The following MORC2 variants were observed in gnomAD, a reference collection of about 807,000 sequenced individuals.
The protein encoded by MORC2 is ATPase MORC2.
Under a neutral mutation model 136.0 loss-of-function variants are expected in MORC2, and 30 were observed. The ratio of observed to expected loss-of-function variants is 0.22; its 90% CI spans 0.17 to 0.30. The LOEUF is 0.30. Ranked by LOEUF, MORC2 falls within the 10% of genes least tolerant of loss-of-function variation. MORC2 has a pLI of 1.00. For synonymous variants in MORC2, 439 were observed against 487.0 expected (o/e 0.90, Z 1.30); for missense variants, 922 against 1,333.1 (o/e 0.69, Z 4.80).
At position 30,934,855 on chromosome 22, in the gene MORC2, G is replaced by A. The variant is rs779144529; in HGVS notation, c.2119C>T (p.Arg707Trp). Reference sequence around the variant, plus strand: ...ATGACTTTGGGAGAAGGAACCTCCCGAGGGCTCTTGGAGTTGGGCAGTAAA... The same window carrying A: ...ATGACTTTGGGAGAAGGAACCTCCCAAGGGCTCTTGGAGTTGGGCAGTAAA... ...PSLLPNSKSP[R>W]EVPSPKVIKT... is the part of the protein sequence containing the mutation. Residue 707 changes from arginine (R) to tryptophan (W), a missense_variant, in exon 19 of 26, where the codon CGG becomes TGG. Around this residue, in one of 9 missense-constraint regions of MORC2, gnomAD observed 184 missense variants for 180.3 expected, o/e 1.02. Coordinates refer to ENST00000397641, the MANE Select transcript of MORC2 (RefSeq NM_001303256.3). This position sits in a 1 kb window ranked among gnomAD's most constrained non-coding sequence, Gnocchi z 4.4. 1 of 1,614,144 alleles carries A rather than the reference G, an allele frequency of 6.2e-7. No homozygotes were observed. The highest frequency in any genetic ancestry group is 8.5e-7 in the Non-Finnish European group (1 of 1,180,018).
At chr22:30,946,075 CT>C (rs2040811292) in intron 6 of MORC2, among the ~76,000 whole-genome samples, 1 of 152,182 alleles carries the variant, frequency 6.6e-6, no homozygotes, top group South Asian at 2.1e-4. Flanking sequence ...GCAAATCCAA[CT>C]CTTAATTCCT....
At chr22:30,964,534 A>AG (rs1470318354) in intron 1 of MORC2, among the ~76,000 whole-genome samples, 1 of 152,232 alleles carries the variant, frequency 6.6e-6, no homozygotes, top group Non-Finnish European at 1.5e-5. Flanking sequence ...TTTATGCCAA[A>AG]GGAACATCAC....
intron 1 of MORC2, chr22:30,963,177 C>T (rs2041075737): frequency 6.9e-6 from 2 of 291,186 alleles, no homozygotes; most frequent in Non-Finnish European, 1.0e-5. Flanking sequence ...GGGGTTTCAC[C>T]ATGTTAACCA....
At chr22:30,943,006 A>C (rs750206666) in intron 6 of MORC2, among the ~76,000 whole-genome samples, 7 of 152,180 alleles carry the variant, frequency 4.6e-5, no homozygotes, top group Non-Finnish European at 1.0e-4. Context: ...CTCCATCTCA[A>C]AAATAAATAA....
chr22:30,952,862 GGAA>G (rs2040911232), intron 3 of MORC2, among the ~76,000 whole-genome samples: 1 of 152,232 alleles, frequency 6.6e-6, no homozygotes, highest in Non-Finnish European at 1.5e-5. Flanking sequence ...AGATAAGCTA[GGAA>G]GTAAAGGACA....
chr22:30,967,217 A>G (rs2041141126), intron 1 of MORC2: 1 of 986,100 alleles, frequency 1.0e-6, no homozygotes, highest in South Asian at 4.7e-5. Flanking sequence ...CTCAAGAACC[A>G]TGAACACTGT....
Position 30,938,222 on chromosome 22 carries a change from A to T in MORC2, c.1074-17T>A, listed in dbSNP as rs767298317. 8.6e-6 allele frequency: 12 copies of T among 1,391,642 alleles called. No individual in the cohort carries two copies. The African/African-American group carries it at 2.1e-4, about 24-fold the overall frequency. The allele number at this position is 1,391,642 out of a possible 1,614,324, so 86.2% of individuals were successfully genotyped here. ...TTAAGTGCTCTAAGAAGACAAAAAA[A>T]CTCAAGCAGATCTACACATCGGCAC... On this transcript the variant is annotated splice_polypyrimidine_tract_variant and intron_variant, in intron 12 of 25. Transcript: ENST00000397641.
intron 7 of MORC2, 50 bp downstream of exon 7, chr22:30,942,062 G>A (rs747335534): frequency 6.2e-7 from 1 of 1,610,056 alleles, no homozygotes; most frequent in Non-Finnish European, 8.5e-7. Context: ...CACTACTTGT[G>A]ATTCTGGAGC....
rs1240259176 is a variant in MORC2, at chr22:30,937,815, C to T, written c.1369G>A (p.Ala457Thr). The T allele has an allele frequency of 2.5e-6, 4 of 1,614,150 alleles. No homozygotes were observed. The highest frequency in any genetic ancestry group is 2.2e-5 in the East Asian group (1 of 44,874). The part of the protein sequence containing the change: ...LAQYWKDIAI[A>T]QRGIIKFWDE... ...AGGCCCAGCAGCCCAGCCCCATTACCGATGGCAATATCCTTCCAATACTGC... is the reference window on the plus strand; with the variant it reads ...AGGCCCAGCAGCCCAGCCCCATTACTGATGGCAATATCCTTCCAATACTGC... Residue 457 changes from alanine to threonine, a missense_variant and splice_region_variant, in exon 14 of 26, where the codon GCC becomes ACC. This residue lies in a region of MORC2 where 119 missense variants were observed against 202.7 expected (regional missense o/e 0.59). Transcript: ENST00000397641. This position sits in a 1 kb window ranked among gnomAD's most constrained non-coding sequence, Gnocchi z 4.7.
intron 1 of MORC2, 38 bp from the exon 2 acceptor site, chr22:30,958,732 T>C (rs982779363): frequency 1.1e-5 from 17 of 1,481,916 alleles, no homozygotes; most frequent in African/African-American, 2.8e-5. Context: ...AAAAGAATTA[T>C]TGAAGTTATA....
At chr22:30,967,024 T>C in intron 1 of MORC2, 5 of 902,468 alleles carry the variant, frequency 5.5e-6, no homozygotes, top group Non-Finnish European at 6.6e-6. Context: ...TTCATGTAGC[T>C]GCTCATCTCC....
chr22:30,957,299 C>T (rs889877823), intron 2 of MORC2, among the ~76,000 whole-genome samples: 93 of 152,188 alleles, frequency 6.1e-4, no homozygotes, highest in African/African-American at 2.1e-3. Flanking sequence ...GATTCCTGAG[C>T]CCATAATCTT....
At chr22:30,926,899 T>C in intron 25 of MORC2, 28 bp from the exon 26 acceptor site, 3 of 1,600,294 alleles carry the variant, frequency 1.9e-6, no homozygotes, top group Non-Finnish European at 8.6e-7. Flanking sequence ...AGGGATCAAC[T>C]GGGGGCCAGA....
intron 6 of MORC2, among the ~76,000 whole-genome samples, chr22:30,946,046 T>C (rs1209159761): frequency 2.6e-5 from 4 of 152,190 alleles, no homozygotes; most frequent in Non-Finnish European, 4.4e-5. Flanking sequence ...GGAATTCAAG[T>C]GGCAGATCTA....
At chr22:30,949,689 G>C in intron 5 of MORC2, 63 bp downstream of exon 5, 1 of 1,329,644 alleles carries the variant, frequency 7.5e-7, no homozygotes, top group Non-Finnish European at 1.1e-6. Flanking sequence ...TTTCATCCAA[G>C]AGAAGCAGGA....
At position 30,935,047 on chromosome 22, in the gene MORC2, T is replaced by C. The variant is rs1463865042; in HGVS notation, c.1927A>G (p.Lys643Glu). 6.2e-7 allele frequency: 1 copy of C among 1,613,748 alleles called. No homozygotes were observed. Among genetic ancestry groups the C allele is most frequent in the Non-Finnish European group, 8.5e-7 (1 of 1,179,942 alleles). ...PTPRPASQPR[K>E]APVISSTPKL... ...GGGGTACTGCTGATGACAGGAGCCT[T>C]TCGGGGCTGGCTGGCTGGTCTAGGA... is the stretch of plus-strand genomic sequence containing the variant. The change falls in exon 19 of 26, where the codon AAG (lysine) becomes GAG (glutamate). Residue 643 changes from lysine to glutamate, a missense_variant. By Grantham distance (56) the Lys-to-Glu change is moderately conservative. This residue lies in a region of MORC2 where 184 missense variants were observed against 180.3 expected (regional missense o/e 1.02). Transcript: ENST00000397641.
rs1266351335 is a variant in MORC2, at chr22:30,937,559, G to A, written c.1498+24C>T. 1 of 1,610,060 alleles carries A rather than the reference G, an allele frequency of 6.2e-7. No homozygotes were observed. The highest frequency in any genetic ancestry group is 1.1e-5 in the South Asian group (1 of 90,688). ...CTTGTGGGCTGATGGAAATGAGTCG[G>A]GGGGGTCCAACCACCCAACTCACCG... is the stretch of plus-strand genomic sequence containing the variant. On this transcript the variant is annotated intron_variant, in intron 15 of 25. Transcript: ENST00000397641. This position sits in a 1 kb window ranked among gnomAD's most constrained non-coding sequence, Gnocchi z 4.7.
rs1228858484 is a variant in MORC2 at position 30,936,600 on chromosome 22, A to G, written c.1648T>C (p.Phe550Leu). Residue 550 changes from phenylalanine to leucine, a missense_variant, in exon 17 of 26, where the codon TTC (phenylalanine) becomes CTC (leucine). Coordinates refer to ENST00000397641, the MANE Select transcript of MORC2 (RefSeq NM_001303256.3). ...EQKQKVPLGT[F>L]RKDMKTQEEK... ...TCCTGCGTCTTCATGTCCTTTCTGA[A>G]TGTTCCCAGGGGAACCTTCTGCTTT... The G allele has an allele frequency of 6.2e-7, 1 of 1,614,148 alleles. No individual in the cohort carries two copies. Among genetic ancestry groups the G allele is most frequent in the South Asian group, 1.1e-5 (1 of 91,084 alleles).
chr22:30,954,994 T>C (rs1214550411), intron 3 of MORC2, among the ~76,000 whole-genome samples: 1 of 149,652 alleles, frequency 6.7e-6, no homozygotes, highest in Non-Finnish European at 1.5e-5. Flanking sequence ...GCTTCGCTCT[T>C]GTTGCCCAGG....
Sources: allele counts gnomAD v4.1 joint callset (sites outside exome capture counted in the v4.1 genomes callset), GRCh38; gene constraint gnomAD v4.1.1; regional missense constraint gnomAD v4.1.1; non-coding constraint Gnocchi (gnomAD v3.1); transcripts MANE v1.5; gene names NCBI Gene and HGNC (gene_info 2026-07-23, HGNC 2026-07-21).